WDR7: variants seen among roughly 807,000 people sequenced by gnomAD.
WDR7 encodes the protein WD repeat-containing protein 7.
WDR7 carries 46 observed loss-of-function variants against 169.4 expected under a neutral mutation model. That is an observed-to-expected ratio of 0.27 (90% CI 0.21 to 0.35). WDR7 has a LOEUF of 0.35. WDR7 is among the 10% of genes least tolerant of loss of function. The pLI, the probability that WDR7 is intolerant of heterozygous loss-of-function variation, is 1.00. For missense variants in WDR7, 1,534 were observed against 1,859.3 expected, an observed-to-expected ratio of 0.83 and a Z score of 3.22; for synonymous variants, 612 against 666.8, an observed-to-expected ratio of 0.92 and a Z score of 1.27.
At chr18:56,883,158 C>T (rs1413971413) in intron 21 of WDR7, among the ~76,000 whole-genome samples, 1 of 146,242 alleles carries the variant, frequency 6.8e-6, no homozygotes, top group Non-Finnish European at 1.5e-5. Context: ...TGCAGTGAGC[C>T]GAGGTGGCGC....
chr18:56,895,819 C>G (rs926654681), intron 21 of WDR7, among the ~76,000 whole-genome samples: 1 of 151,722 alleles, frequency 6.6e-6, no homozygotes, highest in African/African-American at 2.4e-5. Context: ...ATGGGTGATT[C>G]CATATGGCAA....
intron 25 of WDR7, among the ~76,000 whole-genome samples, chr18:56,943,982 GTTTTTTTTTTT>G (rs397858369): frequency 1.3e-5 from 1 of 78,758 alleles, no homozygotes; most frequent in Non-Finnish European, 2.2e-5. Context: ...TGTTTTGTGG[GTTTTTTTTTTT>G]TTTTTTTTTT....
intron 20 of WDR7, among the ~76,000 whole-genome samples, chr18:56,872,018 A>C (rs1340295287): frequency 2.0e-5 from 3 of 152,152 alleles, no homozygotes; most frequent in Non-Finnish European, 4.4e-5. Flanking sequence ...TTCTCGGAGT[A>C]GTAAATTGGT....
chr18:56,867,581 A>C (rs1229879624), intron 20 of WDR7, among the ~76,000 whole-genome samples: 1 of 152,180 alleles, frequency 6.6e-6, no homozygotes, highest in African/African-American at 2.4e-5. Context: ...GTTGTATCAT[A>C]GCAGAAACAG....
At chr18:56,676,978 G>T (rs1160604345) in intron 2 of WDR7, among the ~76,000 whole-genome samples, 1 of 152,150 alleles carries the variant, frequency 6.6e-6, no homozygotes, top group East Asian at 1.9e-4. Flanking sequence ...AAACGTTGTA[G>T]TTATTTTTGA....
At chr18:56,778,076 T>C (rs1405428666) in intron 17 of WDR7, among the ~76,000 whole-genome samples, 6 of 152,188 alleles carry the variant, frequency 3.9e-5, no homozygotes, top group Non-Finnish European at 8.8e-5. Flanking sequence ...TATGTATATC[T>C]AAAGTATATC....
chr18:56,958,454 T>C (rs1386710958), intron 25 of WDR7, among the ~76,000 whole-genome samples: 1 of 152,206 alleles, frequency 6.6e-6, no homozygotes, highest in Non-Finnish European at 1.5e-5. Flanking sequence ...TGGCAAATTC[T>C]TAGAGTCATT....
At chr18:56,866,960 A>T (rs1000945608) in intron 20 of WDR7, among the ~76,000 whole-genome samples, 5 of 152,150 alleles carry the variant, frequency 3.3e-5, no homozygotes, top group African/African-American at 9.7e-5. Flanking sequence ...AAATTACCAC[A>T]TATACCCTGA....
At chr18:56,722,348 T>G (rs1447037348) in intron 13 of WDR7, among the ~76,000 whole-genome samples, 1 of 152,228 alleles carries the variant, frequency 6.6e-6, no homozygotes, top group Non-Finnish European at 1.5e-5. Flanking sequence ...AGTTCAGTCC[T>G]TTGTTATTAG....
intron 1 of WDR7, among the ~76,000 whole-genome samples, chr18:56,665,398 A>G (rs2024998686): frequency 2.9e-4 from 1 of 3,452 alleles, no homozygotes. Context: ...GCAAAAACAA[A>G]CAAACAAACA....
chr18:56,956,231 A>G (rs2047248779), intron 25 of WDR7, among the ~76,000 whole-genome samples: 1 of 152,090 alleles, frequency 6.6e-6, no homozygotes, highest in Admixed American at 6.6e-5. Context: ...ATTTCTGGAA[A>G]ACATTGCCCC....
chr18:56,972,837 G>GT (rs1813147293), intron 26 of WDR7, among the ~76,000 whole-genome samples: 2 of 151,810 alleles, frequency 1.3e-5, no homozygotes, highest in African/African-American at 4.8e-5. Context: ...AGTACTTCTT[G>GT]GTTTTTTTTT....
In WDR7 at chr18:56,952,695, G is replaced by C. The variant is rs532248341; in HGVS notation, c.4065-9735G>C. On this transcript the variant is annotated intron_variant, in intron 25 of 27. Coordinates refer to ENST00000254442, the MANE Select transcript of WDR7 (RefSeq NM_015285.3). ...AAAACGTTTAAGTGGAAACCAAACGGATAGTTTTTTAAAAGCATATTACCT... is the reference window on the plus strand; with the variant it reads ...AAAACGTTTAAGTGGAAACCAAACGCATAGTTTTTTAAAAGCATATTACCT... Among the ~76,000 whole-genome samples the C allele has an allele frequency of 3.9e-5, 6 of 152,284 alleles. No homozygotes were observed. The East Asian group carries it at 1.2e-3, about 29-fold the overall frequency.
At chr18:56,675,807 T>C (rs1388503310) in intron 2 of WDR7, among the ~76,000 whole-genome samples, 2 of 152,034 alleles carry the variant, frequency 1.3e-5, no homozygotes, top group African/African-American at 4.8e-5. Context: ...GGAAAGCATC[T>C]AGTCTTTCAC....
chr18:56,789,756 C>T (rs1358392223), intron 19 of WDR7, among the ~76,000 whole-genome samples: 1 of 152,202 alleles, frequency 6.6e-6, no homozygotes, highest in Non-Finnish European at 1.5e-5. Context: ...TGCAGAAATT[C>T]ATTACCTCTC....
chr18:56,730,468 G>A lies in WDR7; in HGVS notation c.1775-915G>A, dbSNP rs572099373. On this transcript the variant is annotated intron_variant, in intron 13 of 27. Coordinates refer to ENST00000254442, the MANE Select transcript of WDR7 (RefSeq NM_015285.3). ...ACAGAAAGGATAGCCAAATAAAGAA[G>A]CGTTAAAGTAGTTGTAGGCCGGGCG... Among the ~76,000 whole-genome samples, 11 of 152,228 alleles carry A rather than the reference G, an allele frequency of 7.2e-5. No individual in the cohort carries two copies. The East Asian group carries it at 1.7e-3, about 24-fold the overall frequency.
At chr18:56,961,479 C>G (rs1464855419) in intron 25 of WDR7, among the ~76,000 whole-genome samples, 1 of 152,028 alleles carries the variant, frequency 6.6e-6, no homozygotes, top group Non-Finnish European at 1.5e-5. Context: ...ACTTGTTCAT[C>G]TGGGCAACTC....
At chr18:56,847,268 A>G (rs2045581675) in intron 20 of WDR7, among the ~76,000 whole-genome samples, 1 of 152,214 alleles carries the variant, frequency 6.6e-6, no homozygotes, top group Non-Finnish European at 1.5e-5. Context: ...TTTGAACTTA[A>G]GAATGGTAAT....
intron 20 of WDR7, among the ~76,000 whole-genome samples, chr18:56,842,813 T>G (rs2045506278): frequency 1.3e-5 from 2 of 152,218 alleles, no homozygotes; most frequent in African/African-American, 4.8e-5. Context: ...GCTTTTAATT[T>G]GGTTATATAC....
Sources: gnomAD v4.1 joint callset for allele counts (sites outside exome capture counted in the v4.1 genomes callset) on GRCh38, gnomAD v4.1.1 for gene constraint, MANE v1.5 for transcripts, NCBI Gene and HGNC (gene_info 2026-07-23, HGNC 2026-07-21) for gene names.